The following POSTN variants were observed in gnomAD, a reference collection of about 807,000 sequenced individuals.
POSTN encodes periostin.
Under a neutral mutation model 104.5 loss-of-function variants are expected in POSTN, and 71 were observed. That is an observed-to-expected ratio of 0.68 (90% CI 0.56 to 0.83). The LOEUF (loss-of-function observed/expected upper bound fraction) is 0.83. Among genes scored for constraint, POSTN ranks in the 40% least tolerant of loss-of-function variants. The pLI is 0.00. For synonymous variants in POSTN, 355 were observed against 340.7 expected, an observed-to-expected ratio of 1.04 and a Z score of -0.46; for missense variants, 949 against 1,006.8, an observed-to-expected ratio of 0.94 and a Z score of 0.78.
Position 37,598,745 on chromosome 13 carries a change from A to C in POSTN, c.-19T>G. Reference sequence around the variant, plus strand: ...GAATCATCTTGAGTCTCTCCGTTGCAGTTAGTCCCCGAAGAGAACTGGCAG... The same window carrying C: ...GAATCATCTTGAGTCTCTCCGTTGCCGTTAGTCCCCGAAGAGAACTGGCAG... On this transcript the variant is annotated 5_prime_UTR_variant, in exon 1 of 23. Transcript: ENST00000379747. 6.2e-7 allele frequency: 1 copy of C among 1,611,208 alleles called. No homozygotes were observed. The highest frequency in any genetic ancestry group is 8.5e-7 in the Non-Finnish European group (1 of 1,177,954).
rs571996723 is a variant in POSTN at position 37,562,592 on chromosome 13, C to A, written c.*741G>T. On this transcript the variant is annotated 3_prime_UTR_variant, in exon 23 of 23. Coordinates refer to ENST00000379747, the MANE Select transcript of POSTN (RefSeq NM_006475.3). ...AAACTCAAGAAACACTAATTTCATT[C>A]AATTTCCTTTAATGAGTACTTGTTA... The A allele has an allele frequency of 6.6e-6, 1 of 152,168 alleles. No individual in the cohort carries two copies. Among genetic ancestry groups the A allele is most frequent in the African/African-American group, 2.4e-5 (1 of 41,434 alleles). The allele number at this position is 152,168 out of a possible 1,614,324, so 9.4% of individuals were successfully genotyped here.
At position 37,570,994 on chromosome 13, in the gene POSTN, C is replaced by T. The variant is rs189529535; in HGVS notation, c.2180-325G>A. 340 of 294,710 alleles carry T rather than the reference C, an allele frequency of 1.2e-3. 4 individuals carry two copies. Among genetic ancestry groups the T allele is most frequent in the South Asian group, 1.3e-3 (20 of 15,472 alleles). 18.3% of individuals were successfully genotyped at this position (294,710 alleles called of 1,614,324 possible). A position where few individuals can be genotyped will look rare whatever the true frequency, so the allele number is the denominator to read the frequency against. On this transcript the variant is annotated intron_variant, in intron 18 of 22. Coordinates refer to ENST00000379747, the MANE Select transcript of POSTN (RefSeq NM_006475.3). ...TGGAATGGGAGCCCTATCATAAATC[C>T]TAGTAGTGGAGTGGCTTATTAGACA...
intron 21 of POSTN, among the ~76,000 whole-genome samples, chr13:37,566,781 G>A (rs1343252905): frequency 6.6e-6 from 1 of 152,052 alleles, no homozygotes; most frequent in Non-Finnish European, 1.5e-5. Context: ...TCTAAGGTAA[G>A]CCCAAAAATT....
chr13:37,563,437 T>G, intron 22 of POSTN, 67 bp from the exon 23 acceptor site: 1 of 1,066,622 alleles, frequency 9.4e-7, no homozygotes, highest in South Asian at 1.9e-5. Flanking sequence ...TAAGAATATA[T>G]TATTCTCTGT....
At position 37,584,782 on chromosome 13, in the gene POSTN, TG is replaced by T. The variant is rs1950697420; in HGVS notation, c.1041del (p.Asn347LysfsTer6). ...CCATTATTTGTCACAATATCCTTTT[TG>T]TTCACCATTTTGATTCCATTTACTG... ...SITVNGIKMV[N>X]KKDIVTNNGV... On this transcript the variant is annotated frameshift_variant, in exon 8 of 23. Coordinates refer to ENST00000379747, the MANE Select transcript of POSTN (RefSeq NM_006475.3). LOFTEE classifies it high-confidence loss of function. The T allele has an allele frequency of 6.2e-7, 1 of 1,613,866 alleles. No individual in the cohort carries two copies.
chr13:37,564,577 G>A lies in POSTN; in HGVS notation c.2432-17C>T. 6.4e-7 allele frequency: 1 copy of A among 1,569,780 alleles called. No individual in the cohort carries two copies. Among genetic ancestry groups the A allele is most frequent in the Non-Finnish European group, 8.8e-7 (1 of 1,142,720 alleles). ...CGGGTGTGTCTAAAATTAAATTGTTGTAGTTAGAAATACTTCGCAATTATG... is the reference window on the plus strand; with the variant it reads ...CGGGTGTGTCTAAAATTAAATTGTTATAGTTAGAAATACTTCGCAATTATG... On this transcript the variant is annotated splice_polypyrimidine_tract_variant and intron_variant, in intron 21 of 22. Transcript: ENST00000379747.
intron 10 of POSTN, among the ~76,000 whole-genome samples, chr13:37,581,153 A>G (rs998383982): frequency 6.6e-6 from 1 of 152,186 alleles, no homozygotes. Context: ...ACATATTCAT[A>G]GCTTTTTGAA....
Position 37,584,640 on chromosome 13 carries a change from T to C in POSTN, c.1108+76A>G. ...TACTGCACATTCATTTTTCATGGACTTACTCTTTGAGACAGCATAATTAGT... is the reference window on the plus strand; with the variant it reads ...TACTGCACATTCATTTTTCATGGACCTACTCTTTGAGACAGCATAATTAGT... On this transcript the variant is annotated intron_variant, in intron 8 of 22. Transcript: ENST00000379747. The C allele has an allele frequency of 2.5e-6, 3 of 1,213,580 alleles. No homozygotes were observed. The South Asian group carries it at 4.2e-5, about 17-fold the overall frequency. 75.2% of individuals were successfully genotyped at this position (1,213,580 alleles called of 1,614,324 possible).
intron 4 of POSTN, 76 bp downstream of exon 4, chr13:37,590,296 C>A: frequency 7.5e-6 from 9 of 1,196,954 alleles, no homozygotes; most frequent in Non-Finnish European, 1.0e-5. Context: ...CTACTAATAT[C>A]CAAGTTAATA....
At chr13:37,565,723 C>A (rs61957472) in intron 21 of POSTN, among the ~76,000 whole-genome samples, 31,776 of 151,988 alleles carry the variant, frequency 0.21, 3,833 homozygotes, top group Non-Finnish European at 0.27. Flanking sequence ...ATAGAAAAAT[C>A]TCACTATGTT....
intron 21 of POSTN, among the ~76,000 whole-genome samples, chr13:37,568,255 TA>T (rs1283135103): frequency 6.6e-6 from 1 of 152,070 alleles, no homozygotes; most frequent in Non-Finnish European, 1.5e-5. Context: ...TTGGTTGAAT[TA>T]AAAATTTTTA....
chr13:37,591,324 C>T (rs1950926749), intron 3 of POSTN, among the ~76,000 whole-genome samples: 1 of 152,130 alleles, frequency 6.6e-6, no homozygotes, highest in Admixed American at 6.5e-5. Context: ...TTAATTGATT[C>T]TAAATTCAAT....
chr13:37,571,373 A>C lies in POSTN; in HGVS notation c.2175T>G (p.His725Gln). 1 of 1,598,654 alleles carries C rather than the reference A, an allele frequency of 6.3e-7. No homozygotes were observed. Among genetic ancestry groups the C allele is most frequent in the Non-Finnish European group, 8.6e-7 (1 of 1,167,638 alleles). ...CAGGTAACATAAGGAACGCACCTCC[A>C]TGGATCACTTCAGTTATTGTTTCAC... ...KEGETITEVIHGEPIIKKYTK... is the reference protein window; with the variant it reads ...KEGETITEVIQGEPIIKKYTK... Residue 725 changes from histidine to glutamine, a missense_variant, in exon 18 of 23, where the codon CAT becomes CAG. Physicochemically the swap from His to Gln is conservative, Grantham distance 24. Coordinates refer to ENST00000379747, the MANE Select transcript of POSTN (RefSeq NM_006475.3).
rs776014084 is a variant in POSTN, at chr13:37,564,574, G to A, written c.2432-14C>T. On this transcript the variant is annotated splice_polypyrimidine_tract_variant and intron_variant, in intron 21 of 22. Transcript: ENST00000379747. Reference sequence around the variant, plus strand: ...TCACGGGTGTGTCTAAAATTAAATTGTTGTAGTTAGAAATACTTCGCAATT... The same window carrying A: ...TCACGGGTGTGTCTAAAATTAAATTATTGTAGTTAGAAATACTTCGCAATT... 6.4e-7 allele frequency: 1 copy of A among 1,572,578 alleles called. No homozygotes were observed.
intron 9 of POSTN, among the ~76,000 whole-genome samples, 157 bp from the exon 10 acceptor site, chr13:37,582,671 C>T (rs1286436981): frequency 2.0e-5 from 3 of 152,122 alleles, no homozygotes; most frequent in Admixed American, 6.6e-5. Flanking sequence ...ATGCTAAAAA[C>T]TAACAATTCA....
intron 15 of POSTN, among the ~76,000 whole-genome samples, chr13:37,578,492 TAG>T (rs1255950202): frequency 2.0e-5 from 3 of 147,884 alleles, no homozygotes; most frequent in Admixed American, 6.8e-5. Flanking sequence ...TTCTACATAT[TAG>T]AAATAAATCA....
At position 37,563,304 on chromosome 13, in the gene POSTN, A is replaced by G. The variant is rs375476629; in HGVS notation, c.*29T>C. ...GGTCAGGTTATTGACTTAGGGTTGT[A>G]TAAACATTTTTTTCTGGTTTTTGGA... On this transcript the variant is annotated 3_prime_UTR_variant, in exon 23 of 23. Coordinates refer to ENST00000379747, the MANE Select transcript of POSTN (RefSeq NM_006475.3). 12 of 1,541,384 alleles carry G rather than the reference A, an allele frequency of 7.8e-6. 1 individual carries two copies. The highest frequency in any genetic ancestry group is 3.4e-4 in the Middle Eastern group (2 of 5,872).
intron 3 of POSTN, 98 bp downstream of exon 3, chr13:37,592,002 T>C: frequency 1.4e-6 from 1 of 725,934 alleles, no homozygotes; most frequent in Non-Finnish European, 2.4e-6. Flanking sequence ...TTTAGGATGG[T>C]GCTGAATACA....
intron 10 of POSTN, 59 bp downstream of exon 10, chr13:37,582,307 A>G (rs1952511387): frequency 6.6e-7 from 1 of 1,514,152 alleles, no homozygotes; most frequent in Admixed American, 2.1e-5. Context: ...ATATTCATTG[A>G]AACAGCATTA....
Sources: gnomAD v4.1 joint callset for allele counts (sites outside exome capture counted in the v4.1 genomes callset) on GRCh38, gnomAD v4.1.1 for gene constraint, MANE v1.5 for transcripts, NCBI Gene and HGNC (gene_info 2026-07-23, HGNC 2026-07-21) for gene names.